NDST4: variants seen among roughly 807,000 people sequenced by gnomAD.
NDST4 encodes N-heparan sulfate sulfotransferase 4.
In NDST4, 63 loss-of-function variants were observed where a neutral mutation model predicts 100.8. The ratio of observed to expected loss-of-function variants is 0.62; its 90% CI spans 0.51 to 0.77. The LOEUF (loss-of-function observed/expected upper bound fraction) is 0.77. Among genes scored for constraint, NDST4 ranks in the 30% least tolerant of loss-of-function variants. NDST4 has a pLI of 0.00. For missense variants in NDST4, 943 were observed against 1,018.4 expected (o/e 0.93, Z 1.01); for synonymous variants, 377 against 361.8 (o/e 1.04, Z -0.48).
Position 115,113,443 on chromosome 4 carries a change from C to T in NDST4, c.-247+1G>A, listed in dbSNP as rs1210569148. ...TTTCAGCAAATTAAGCAGTAACTTACCTAGAGAAGCATTTCAATATTTTGT... is the reference window on the plus strand; with the variant it reads ...TTTCAGCAAATTAAGCAGTAACTTATCTAGAGAAGCATTTCAATATTTTGT... On this transcript the variant is annotated splice_donor_variant, in intron 1 of 13. Transcript: ENST00000264363. LOFTEE classifies it low-confidence loss of function (5UTR_SPLICE). 1 of 151,918 alleles carries T rather than the reference C, an allele frequency of 6.6e-6. No homozygotes were observed. The highest frequency in any genetic ancestry group is 1.5e-5 in the Non-Finnish European group (1 of 67,946). The allele number at this position is 151,918 out of a possible 1,614,324, so 9.4% of individuals were successfully genotyped here. A position where few individuals can be genotyped will look rare whatever the true frequency, so the allele number is the denominator to read the frequency against.
chr4:114,921,382 C>T (rs905516064), intron 6 of NDST4, among the ~76,000 whole-genome samples: 1 of 152,006 alleles, frequency 6.6e-6, no homozygotes, highest in African/African-American at 2.4e-5. Context: ...GAACTAAAAG[C>T]CTTTGTAATA....
intron 1 of NDST4, among the ~76,000 whole-genome samples, chr4:115,099,958 A>G (rs1214753980): frequency 6.6e-6 from 1 of 152,182 alleles, no homozygotes; most frequent in African/African-American, 2.4e-5. Context: ...GTACATCTGT[A>G]CGGTGAAATA....
chr4:114,920,766 T>A (rs1725270731), intron 6 of NDST4, among the ~76,000 whole-genome samples: 1 of 152,168 alleles, frequency 6.6e-6, no homozygotes, highest in Non-Finnish European at 1.5e-5. Context: ...CACTGACTGT[T>A]CTGTTAGGTG....
chr4:115,099,237 TAGG>T (rs1406407450), intron 1 of NDST4, among the ~76,000 whole-genome samples: 1 of 152,144 alleles, frequency 6.6e-6, no homozygotes, highest in Non-Finnish European at 1.5e-5. Flanking sequence ...GAAGATCATA[TAGG>T]AGAAGATCTA....
chr4:114,928,892 A>T (rs1447963297), intron 6 of NDST4, among the ~76,000 whole-genome samples: 1 of 151,994 alleles, frequency 6.6e-6, no homozygotes, highest in Non-Finnish European at 1.5e-5. Flanking sequence ...TTTGGACTGG[A>T]ACTATACCAT....
At chr4:115,110,102 C>G (rs908643059) in intron 1 of NDST4, among the ~76,000 whole-genome samples, 1 of 151,818 alleles carries the variant, frequency 6.6e-6, no homozygotes, top group African/African-American at 2.4e-5. Flanking sequence ...GATTTGTCAC[C>G]TCTAGAAAGT....
chr4:114,884,511 C>T (rs1724437052), intron 6 of NDST4, among the ~76,000 whole-genome samples: 1 of 152,102 alleles, frequency 6.6e-6, no homozygotes, highest in African/African-American at 2.4e-5. Context: ...TATAACCATA[C>T]ATGTTCTGAT....
chr4:115,012,266 C>CA (rs1181209728), intron 2 of NDST4, among the ~76,000 whole-genome samples: 3 of 151,908 alleles, frequency 2.0e-5, no homozygotes, highest in Non-Finnish European at 4.4e-5. Flanking sequence ...TTACAACCAG[C>CA]AAAACATCTT....
intron 1 of NDST4, among the ~76,000 whole-genome samples, chr4:115,110,425 G>T (rs547576096): frequency 6.6e-6 from 1 of 151,840 alleles, no homozygotes; most frequent in African/African-American, 2.4e-5. Context: ...AGACAACATG[G>T]TTTCTCTTTT....
chr4:115,093,893 A>C (rs572645165), intron 1 of NDST4, among the ~76,000 whole-genome samples: 2 of 152,232 alleles, frequency 1.3e-5, no homozygotes, highest in East Asian at 3.9e-4. Context: ...TAAAACAATA[A>C]AAAGATGGTA....
intron 6 of NDST4, among the ~76,000 whole-genome samples, chr4:114,871,471 T>C (rs1724147488): frequency 6.6e-6 from 1 of 152,084 alleles, no homozygotes; most frequent in African/African-American, 2.4e-5. Flanking sequence ...CATTAATCCT[T>C]TTACAACTTT....
At chr4:114,889,631 A>G (rs1220766243) in intron 6 of NDST4, among the ~76,000 whole-genome samples, 1 of 152,232 alleles carries the variant, frequency 6.6e-6, no homozygotes, top group Non-Finnish European at 1.5e-5. Context: ...AGATTTTTAG[A>G]AAATGTCAAA....
chr4:114,892,948 C>T (rs575060835), intron 6 of NDST4, among the ~76,000 whole-genome samples: 2 of 151,898 alleles, frequency 1.3e-5, no homozygotes, highest in Non-Finnish European at 2.9e-5. Flanking sequence ...TCTGTGTCCA[C>T]GTGTTCTCAA....
intron 2 of NDST4, among the ~76,000 whole-genome samples, chr4:115,067,998 G>GT (rs34353236): frequency 0.24 from 36,343 of 149,672 alleles, 5,904 homozygotes; most frequent in East Asian, 0.46. Flanking sequence ...ACGGTGTTTG[G>GT]TTTTTTGTCC....
intron 2 of NDST4, among the ~76,000 whole-genome samples, chr4:115,054,045 G>A (rs1038667492): frequency 6.6e-6 from 1 of 151,872 alleles, no homozygotes; most frequent in Non-Finnish European, 1.5e-5. Flanking sequence ...AATGATAATA[G>A]GTCACTGTGA....
At chr4:114,882,183 A>G (rs1724384775) in intron 6 of NDST4, among the ~76,000 whole-genome samples, 1 of 150,680 alleles carries the variant, frequency 6.6e-6, no homozygotes. Context: ...GATCAAACTT[A>G]GCTTTTCATG....
At chr4:115,066,125 T>C (rs1386228787) in intron 2 of NDST4, among the ~76,000 whole-genome samples, 5 of 152,192 alleles carry the variant, frequency 3.3e-5, no homozygotes, top group African/African-American at 7.2e-5. Context: ...CAGATAACTG[T>C]GAATATGTCC....
intron 1 of NDST4, among the ~76,000 whole-genome samples, chr4:115,113,031 A>G (rs943559548): frequency 6.6e-6 from 1 of 151,946 alleles, no homozygotes. Flanking sequence ...TTTGAATGCC[A>G]TGTTTTCAGT....
At chr4:115,078,193 G>T (rs1263478039) in intron 1 of NDST4, among the ~76,000 whole-genome samples, 1 of 152,158 alleles carries the variant, frequency 6.6e-6, no homozygotes, top group Non-Finnish European at 1.5e-5. Flanking sequence ...TCTGCAGGCT[G>T]TACAGGAAGC....
Sources: allele counts gnomAD v4.1 joint callset (sites outside exome capture counted in the v4.1 genomes callset), GRCh38; gene constraint gnomAD v4.1.1; transcripts MANE v1.5; gene names NCBI Gene and HGNC (gene_info 2026-07-23, HGNC 2026-07-21).